The following COA1 variants were observed in gnomAD, a reference collection of about 807,000 sequenced individuals.
The protein encoded by COA1 is cytochrome c oxidase assembly factor 1 homolog.
A neutral mutation model predicts 16.0 loss-of-function variants in COA1; 13 were observed. The observed-to-expected ratio is 0.81, with a 90% CI of 0.53 to 1.29. The LOEUF is 1.29. COA1 is among the 50% of genes most tolerant of loss of function. The pLI, the probability that COA1 is intolerant of heterozygous loss-of-function variation, is 0.00. For synonymous variants in COA1, 65 were observed against 65.7 expected (o/e 0.99, Z 0.05); for missense variants, 179 against 177.0 (o/e 1.01, Z -0.06).
chr7:43,710,580 GA>G (rs1231206587), intron 1 of COA1, among the ~76,000 whole-genome samples: 1 of 151,608 alleles, frequency 6.6e-6, no homozygotes, highest in Non-Finnish European at 1.5e-5. Flanking sequence ...TTGAGTAAAG[GA>G]TGTTTACAGA....
chr7:43,634,652 A>G (rs2085563685), downstream of COA1, among the ~76,000 whole-genome samples: 1 of 152,230 alleles, frequency 6.6e-6, no homozygotes, highest in South Asian at 2.1e-4. Context: ...TACAACAGGC[A>G]AAGAAGGTCT....
intron 1 of COA1, among the ~76,000 whole-genome samples, chr7:43,686,517 A>C (rs2094041097): frequency 6.6e-6 from 1 of 151,722 alleles, no homozygotes; most frequent in African/African-American, 2.4e-5. Context: ...CGTGGTCTCG[A>C]TCTCCTGACC....
At chr7:43,630,478 A>T (rs1349323288) in intron 6 of COA1, among the ~76,000 whole-genome samples, 1 of 152,154 alleles carries the variant, frequency 6.6e-6, no homozygotes, top group Non-Finnish European at 1.5e-5. Context: ...ATTGTAAGAG[A>T]AGTATACCTA....
rs148372278 is a variant in COA1 at position 43,643,986 on chromosome 7, G to A, written c.264+1265C>T. Among the ~76,000 whole-genome samples, 17 of 152,236 alleles carry A rather than the reference G, an allele frequency of 1.1e-4. No homozygotes were observed. The East Asian group carries it at 3.1e-3, about 28-fold the overall frequency. On this transcript the variant is annotated intron_variant, in intron 4 of 5. Coordinates refer to ENST00000223336, the MANE Select transcript of COA1 (RefSeq NM_018224.4). The stretch of plus-strand genomic sequence containing the variant: ...TACGGGCTTCTGCTGCCAGAGTCAA[G>A]CACACACCTTCCAAGATGACACTGT...
rs1312716369 is a variant in COA1, at chr7:43,644,739, T to C, written c.264+512A>G. Among the ~76,000 whole-genome samples, 129 of 86,394 alleles carry C rather than the reference T, an allele frequency of 1.5e-3. 7 individuals are homozygous for C. The highest frequency in any genetic ancestry group is 5.6e-3 in the Middle Eastern group (1 of 180). The allele number at this position is 86,394 out of a possible 152,430, so 56.7% of individuals were successfully genotyped here. A position where few individuals can be genotyped will look rare whatever the true frequency, so the allele number is the denominator to read the frequency against. Reference sequence around the variant, plus strand: ...ATAGATAGATAGATAGATAGATAGATAGATAGATAGATAGATAGATAGGCA... The same window carrying C: ...ATAGATAGATAGATAGATAGATAGACAGATAGATAGATAGATAGATAGGCA... On this transcript the variant is annotated intron_variant, in intron 4 of 5. Coordinates refer to ENST00000223336, the MANE Select transcript of COA1 (RefSeq NM_018224.4).
At chr7:43,630,806 A>G (rs184570266) in intron 6 of COA1, among the ~76,000 whole-genome samples, 1 of 152,192 alleles carries the variant, frequency 6.6e-6, no homozygotes, top group African/African-American at 2.4e-5. Context: ...GAGATATGGA[A>G]CTGCTTCACT....
At chr7:43,688,040 C>T (rs2094119548) in intron 1 of COA1, among the ~76,000 whole-genome samples, 1 of 152,208 alleles carries the variant, frequency 6.6e-6, no homozygotes, top group Non-Finnish European at 1.5e-5. Context: ...GCTTCTTCCT[C>T]ATTTTTCTCT....
intron 6 of COA1, among the ~76,000 whole-genome samples, chr7:43,618,424 G>A (rs1203197959): frequency 6.6e-6 from 1 of 152,170 alleles, no homozygotes. Flanking sequence ...CAGACTGTTT[G>A]ATTTGGAGCA....
At chr7:43,718,403 T>C (rs1332641803) in intron 1 of COA1, among the ~76,000 whole-genome samples, 2 of 152,254 alleles carry the variant, frequency 1.3e-5, no homozygotes, top group Admixed American at 6.5e-5. Context: ...TTGACATCAG[T>C]GGAGCTCTAA....
chr7:43,627,462 A>G (rs1314563290), intron 6 of COA1, among the ~76,000 whole-genome samples: 1 of 152,232 alleles, frequency 6.6e-6, no homozygotes, highest in Non-Finnish European at 1.5e-5. Flanking sequence ...ATAGAGGCCT[A>G]TACCTGTTTA....
chr7:43,617,303 A>G (rs1293659769), intron 6 of COA1, among the ~76,000 whole-genome samples: 3 of 152,230 alleles, frequency 2.0e-5, no homozygotes, highest in Non-Finnish European at 4.4e-5. Flanking sequence ...ATATAATACA[A>G]AAGAACCTTC....
intron 1 of COA1, among the ~76,000 whole-genome samples, chr7:43,690,209 C>T (rs1423195340): frequency 6.6e-6 from 1 of 152,124 alleles, no homozygotes; most frequent in Non-Finnish European, 1.5e-5. Context: ...CCTTAAAGAA[C>T]TAAAAGCAAC....
In COA1 at chr7:43,644,474, G is replaced by C. The variant is rs932456553; in HGVS notation, c.264+777C>G. 8.6e-5 allele frequency among the ~76,000 whole-genome samples: 13 copies of C among 151,908 alleles called. No homozygotes were observed. In the East Asian group the frequency reaches 2.5e-3, roughly 29 times the overall value. The stretch of plus-strand genomic sequence containing the variant: ...AAATAAATACACTTTAAAAATCAAA[G>C]TTTAAAGAGTTGGGTACATTTGAAT... On this transcript the variant is annotated intron_variant, in intron 4 of 5. Transcript: ENST00000223336.
At chr7:43,635,802 G>C (rs2085770720), downstream of COA1, among the ~76,000 whole-genome samples, 1 of 152,132 alleles carries the variant, frequency 6.6e-6, no homozygotes, top group East Asian at 1.9e-4. Flanking sequence ...AAATAATTTG[G>C]AAGTGAAAAA....
intron 1 of COA1, among the ~76,000 whole-genome samples, chr7:43,705,157 G>C (rs2094922278): frequency 6.6e-6 from 1 of 152,174 alleles, no homozygotes; most frequent in Non-Finnish European, 1.5e-5. Flanking sequence ...GGCTCCTTGA[G>C]GTTAAGTACC....
At chr7:43,688,372 GATT>G (rs1424500787) in intron 1 of COA1, among the ~76,000 whole-genome samples, 1 of 152,022 alleles carries the variant, frequency 6.6e-6, no homozygotes, top group Admixed American at 6.5e-5. Flanking sequence ...TCATTGAAGA[GATT>G]TTTTCCATAT....
chr7:43,728,302 A>G (rs943034665), intron 1 of COA1, among the ~76,000 whole-genome samples: 2 of 152,148 alleles, frequency 1.3e-5, no homozygotes, highest in Non-Finnish European at 2.9e-5. Flanking sequence ...TAGGTGAACT[A>G]TGTGTCAGGA....
chr7:43,651,178 A>T (rs896072721), intron 1 of COA1, among the ~76,000 whole-genome samples: 2 of 152,228 alleles, frequency 1.3e-5, no homozygotes, highest in Non-Finnish European at 2.9e-5. Context: ...GTGAAAATTT[A>T]AAAATGTGAT....
At chr7:43,663,697 C>CAA (rs1373032481) in intron 1 of COA1, among the ~76,000 whole-genome samples, 1 of 143,930 alleles carries the variant, frequency 6.9e-6, no homozygotes, top group African/African-American at 2.6e-5. Context: ...AACACACACA[C>CAA]AAAAAAAAAC....
Sources: gnomAD v4.1 joint callset for allele counts (sites outside exome capture counted in the v4.1 genomes callset) on GRCh38, gnomAD v4.1.1 for gene constraint, MANE v1.5 for transcripts, NCBI Gene and HGNC (gene_info 2026-07-23, HGNC 2026-07-21) for gene names.